Variants in ADGRL2 observed in about 807,000 individuals in gnomAD.
The protein encoded by ADGRL2 is calcium-independent alpha-latrotoxin receptor 2.
A neutral mutation model predicts 157.4 loss-of-function variants in ADGRL2; 44 were observed. The observed-to-expected ratio is 0.28, with a 90% CI of 0.22 to 0.36. The LOEUF (loss-of-function observed/expected upper bound fraction) is 0.36, where lower values mean the gene tolerates loss of function less well. Among genes scored for constraint, ADGRL2 ranks in the 10% least tolerant of loss-of-function variants. The pLI, the probability that ADGRL2 is intolerant of heterozygous loss-of-function variation, is 1.00. For synonymous variants in ADGRL2, 585 were observed against 624.7 expected (o/e 0.94, Z 0.95); for missense variants, 1,510 against 1,768.9 (o/e 0.85, Z 2.63).
intron 1 of ADGRL2, among the ~76,000 whole-genome samples, chr1:81,731,154 G>T (rs890229902): frequency 1.1e-4 from 16 of 152,088 alleles, no homozygotes; most frequent in African/African-American, 3.9e-4. Flanking sequence ...TCCTGCTAGG[G>T]TCTAAGGATA....
chr1:81,424,233 G>A (rs554425628), intron 1 of ADGRL2, among the ~76,000 whole-genome samples: 12 of 152,312 alleles, frequency 7.9e-5, no homozygotes, highest in Admixed American at 5.2e-4. Flanking sequence ...CATCTGTTGA[G>A]TGTTTTCCCG....
At chr1:81,934,611 G>A (rs774760644) in intron 3 of ADGRL2, among the ~76,000 whole-genome samples, 1 of 151,916 alleles carries the variant, frequency 6.6e-6, no homozygotes, top group Non-Finnish European at 1.5e-5. Context: ...TCTCCCACCA[G>A]TTGCTAGTTT....
chr1:81,356,971 A>AAAAAAAAAAAAAAAAAAAAAAAAAAAAAG (rs80327519), intron 1 of ADGRL2, among the ~76,000 whole-genome samples: 1 of 99,400 alleles, frequency 1.0e-5, no homozygotes, highest in African/African-American at 3.2e-5. Flanking sequence ...AAAAAAAAAA[A>AAAAAAAAAAAAAAAAAAAAAAAAAAAAAG]AAGAAGTTGT....
At chr1:81,501,935 C>G in intron 2 of ADGRL2, 1 of 1,613,922 alleles carries the variant, frequency 6.2e-7, no homozygotes, top group Non-Finnish European at 8.5e-7. Context: ...GCAGCCGACT[C>G]TCTTTTCCGC....
intron 23 of ADGRL2, chr1:81,989,610 T>C (rs1353238436): frequency 6.4e-7 from 1 of 1,566,330 alleles, no homozygotes; most frequent in Admixed American, 1.7e-5. Flanking sequence ...GCTTAGAAAT[T>C]CTTCATCATG....
At chr1:81,326,373 T>C (rs553603327) in intron 1 of ADGRL2, among the ~76,000 whole-genome samples, 2 of 152,350 alleles carry the variant, frequency 1.3e-5, no homozygotes, top group East Asian at 3.9e-4. Context: ...ACTAGGGCAG[T>C]GACTGATTAA....
intron 2 of ADGRL2, among the ~76,000 whole-genome samples, chr1:81,855,411 A>C (rs1273827718): frequency 6.6e-6 from 1 of 152,212 alleles, no homozygotes; most frequent in African/African-American, 2.4e-5. Context: ...ATTGCACTTC[A>C]GCCTGGGCCA....
intron 2 of ADGRL2, among the ~76,000 whole-genome samples, chr1:81,487,542 G>A (rs1361347031): frequency 1.3e-5 from 2 of 152,088 alleles, no homozygotes; most frequent in Non-Finnish European, 2.9e-5. Flanking sequence ...CTACTCAGGA[G>A]GCTGAGGTAA....
chr1:81,876,652 A>T (rs902688523), intron 2 of ADGRL2, among the ~76,000 whole-genome samples: 3 of 152,142 alleles, frequency 2.0e-5, no homozygotes. Flanking sequence ...TTCTGAAGCT[A>T]ATAATCCAAC....
intron 19 of ADGRL2, among the ~76,000 whole-genome samples, chr1:81,983,613 A>T (rs903524817): frequency 2.6e-5 from 4 of 151,908 alleles, no homozygotes; most frequent in African/African-American, 9.7e-5. Context: ...TAGAAAAAAT[A>T]TTTTCTTATG....
intron 2 of ADGRL2, among the ~76,000 whole-genome samples, chr1:81,859,925 T>A (rs150546453): frequency 8.0e-4 from 122 of 152,078 alleles, no homozygotes; most frequent in Admixed American, 6.7e-3. Context: ...ACTGTTTTTT[T>A]TTTCCCCCAT....
At chr1:81,851,731 A>G (rs965141340) in intron 2 of ADGRL2, among the ~76,000 whole-genome samples, 2 of 63,360 alleles carry the variant, frequency 3.2e-5, no homozygotes, top group African/African-American at 1.1e-4. Flanking sequence ...ATGCCACTTA[A>G]ATTTGTGTGT....
intron 1 of ADGRL2, among the ~76,000 whole-genome samples, chr1:81,812,957 T>G (rs1042591325): frequency 6.6e-6 from 1 of 151,818 alleles, no homozygotes; most frequent in African/African-American, 2.4e-5. Flanking sequence ...CTGTGCCAGC[T>G]GAATTTCTAA....
At chr1:81,595,724 T>A (rs2081217455) in intron 3 of ADGRL2, among the ~76,000 whole-genome samples, 1 of 152,244 alleles carries the variant, frequency 6.6e-6, no homozygotes, top group African/African-American at 2.4e-5. Flanking sequence ...GCGATATGAA[T>A]GTATTGCCTT....
intron 1 of ADGRL2, among the ~76,000 whole-genome samples, chr1:81,751,979 C>T (rs1557620894): frequency 6.6e-6 from 1 of 152,148 alleles, no homozygotes; most frequent in Non-Finnish European, 1.5e-5. Context: ...AAGTCTTTTA[C>T]ATGTTATAAA....
chr1:81,690,230 C>A (rs2083304871), intron 3 of ADGRL2, among the ~76,000 whole-genome samples: 1 of 152,216 alleles, frequency 6.6e-6, no homozygotes, highest in Non-Finnish European at 1.5e-5. Context: ...TAGTGGCTCA[C>A]ACCTGTAATC....
chr1:81,593,738 T>C (rs2148599522), intron 3 of ADGRL2, among the ~76,000 whole-genome samples: 1 of 152,304 alleles, frequency 6.6e-6, no homozygotes, highest in South Asian at 2.1e-4. Flanking sequence ...AAAGCCATAT[T>C]CTTGAGTTCC....
intron 3 of ADGRL2, among the ~76,000 whole-genome samples, chr1:81,585,107 A>G (rs2080997223): frequency 6.6e-6 from 1 of 152,174 alleles, no homozygotes; most frequent in African/African-American, 2.4e-5. Flanking sequence ...CTAAAAGGAA[A>G]GAGCTGTTTT....
chr1:81,739,869 G>A (rs1285255755), intron 1 of ADGRL2, among the ~76,000 whole-genome samples: 1 of 152,178 alleles, frequency 6.6e-6, no homozygotes, highest in South Asian at 2.1e-4. Context: ...AATGCCAATA[G>A]CATTCTTCAG....
Sources: gnomAD v4.1 joint callset for allele counts (sites outside exome capture counted in the v4.1 genomes callset) on GRCh38, gnomAD v4.1.1 for gene constraint, MANE v1.5 for transcripts, NCBI Gene and HGNC (gene_info 2026-07-23, HGNC 2026-07-21) for gene names.